The following GSE1 variants were observed in gnomAD, a reference collection of about 807,000 sequenced individuals.
The protein encoded by GSE1 is Gse1 coiled-coil protein.
Under a neutral mutation model 112.6 loss-of-function variants are expected in GSE1, and 32 were observed. The observed-to-expected ratio is 0.28, with a 90% CI of 0.21 to 0.38. The LOEUF (loss-of-function observed/expected upper bound fraction) is 0.38, where lower values mean the gene tolerates loss of function less well. Ranked by LOEUF, GSE1 falls within the 10% of genes least tolerant of loss-of-function variation. The pLI is 1.00. For synonymous variants in GSE1, 1,115 were observed against 735.6 expected (o/e 1.52, Z -8.35); for missense variants, 2,348 against 1,699.2 (o/e 1.38, Z -6.71).
At chr16:85,179,363 C>T (rs1443754195) in intron 1 of GSE1, among the ~76,000 whole-genome samples, 3 of 152,168 alleles carry the variant, frequency 2.0e-5, no homozygotes, top group Non-Finnish European at 2.9e-5. Flanking sequence ...CTAAGAACGC[C>T]GTTGTATGGA....
intron 2 of GSE1, among the ~76,000 whole-genome samples, chr16:85,436,974 C>CGTCGAG (rs1049785193): frequency 2.0e-5 from 3 of 152,166 alleles, no homozygotes; most frequent in African/African-American, 7.2e-5. Flanking sequence ...GGGAGGTTAC[C>CGTCGAG]GTCGAGGTCG....
chr16:85,421,994 G>A (rs190223028), intron 2 of GSE1, among the ~76,000 whole-genome samples: 28 of 152,090 alleles, frequency 1.8e-4, no homozygotes, highest in Admixed American at 7.2e-4. Context: ...TTGTCTTTCC[G>A]GGGGCCCCTC....
intron 2 of GSE1, among the ~76,000 whole-genome samples, chr16:85,451,950 C>T (rs539840562): frequency 1.3e-5 from 2 of 152,240 alleles, no homozygotes; most frequent in Admixed American, 6.5e-5. Context: ...CCAAGAGGCC[C>T]GTCTCTGCCT....
chr16:85,619,733 G>T (rs946702968), intron 1 of GSE1, among the ~76,000 whole-genome samples: 1 of 152,190 alleles, frequency 6.6e-6, no homozygotes, highest in African/African-American at 2.4e-5. Flanking sequence ...CAGGCGTGGT[G>T]GGGGGACGTT....
rs180774100 is a variant in GSE1 at position 85,177,833 on chromosome 16, C to G, written c.2283+6026C>G. Reference sequence around the variant, plus strand: ...TAGGGTCAGGAAGAATCTCACAGACCATCACTTTCAGACAACGCTATACCC... The same window carrying G: ...TAGGGTCAGGAAGAATCTCACAGACGATCACTTTCAGACAACGCTATACCC... On this transcript the variant is annotated intron_variant, in intron 1 of 2. Transcript: ENST00000637419. Among the ~76,000 whole-genome samples the G allele has an allele frequency of 1.0e-3, 155 of 152,266 alleles. 1 individual carries two copies. The highest frequency in any genetic ancestry group is 4.3e-3 in the Admixed American group (66 of 15,306).
chr16:85,226,760 TGTGTGTG>T (rs1186797191), intron 1 of GSE1, among the ~76,000 whole-genome samples: 6 of 3,320 alleles, frequency 1.8e-3, no homozygotes, highest in Non-Finnish European at 2.9e-3. Flanking sequence ...CCTGGACTGG[TGTGTGTG>T]TGTGTGTGTG....
intron 1 of GSE1, among the ~76,000 whole-genome samples, chr16:85,242,345 G>A (rs1373775080): frequency 6.6e-6 from 1 of 152,150 alleles, no homozygotes. Context: ...CTGCAAACAG[G>A]TGATGTGTCA....
At chr16:85,313,320 C>G (rs1198312920) in intron 1 of GSE1, among the ~76,000 whole-genome samples, 3 of 152,076 alleles carry the variant, frequency 2.0e-5, no homozygotes, top group Non-Finnish European at 4.4e-5. Context: ...TCAAGGTCCT[C>G]GAGACACCTG....
At chr16:85,478,871 CTTTCT>C (rs2050556225) in intron 2 of GSE1, among the ~76,000 whole-genome samples, 1 of 45,834 alleles carries the variant, frequency 2.2e-5, no homozygotes, top group Non-Finnish European at 3.5e-5. Context: ...TTCTTTCTTT[CTTTCT>C]TTCTTTCTTT....
chr16:85,455,532 T>G (rs1327076192), intron 2 of GSE1, among the ~76,000 whole-genome samples: 1 of 152,200 alleles, frequency 6.6e-6, no homozygotes, highest in Non-Finnish European at 1.5e-5. Context: ...CGGTGTGGGT[T>G]TATAGCGGCT....
At chr16:85,256,437 A>G (rs546804752) in intron 1 of GSE1, among the ~76,000 whole-genome samples, 6 of 152,214 alleles carry the variant, frequency 3.9e-5, no homozygotes, top group Non-Finnish European at 8.8e-5. Context: ...GAGTAGCCTT[A>G]GGTTTGGGAC....
intron 2 of GSE1, among the ~76,000 whole-genome samples, chr16:85,463,361 G>C (rs943499591): frequency 6.6e-6 from 1 of 152,216 alleles, no homozygotes; most frequent in Non-Finnish European, 1.5e-5. Context: ...TGACCCCCGC[G>C]GTCTGGCTGT....
intron 2 of GSE1, among the ~76,000 whole-genome samples, chr16:85,385,916 T>A (rs1490594895): frequency 6.6e-6 from 1 of 152,128 alleles, no homozygotes; most frequent in East Asian, 1.9e-4. Context: ...GTGGGCTAGA[T>A]AGGGGTATGG....
chr16:85,441,553 G>A (rs116701152), intron 2 of GSE1, among the ~76,000 whole-genome samples: 5,425 of 152,266 alleles, frequency 0.036, 342 homozygotes, highest in African/African-American at 0.12. Flanking sequence ...TACTCAGGAG[G>A]CTGAAATCGC....
chr16:85,416,445 G>A (rs2048704136), intron 2 of GSE1, among the ~76,000 whole-genome samples: 2 of 152,152 alleles, frequency 1.3e-5, no homozygotes, highest in South Asian at 4.2e-4. Flanking sequence ...GGCTCCTCCC[G>A]AGCAGGTGGG....
rs1475714788 is a variant in GSE1, at chr16:85,169,759, C to G, written c.235C>G (p.Pro79Ala). 4.1e-6 allele frequency: 4 copies of G among 983,924 alleles called. No individual in the cohort carries two copies. The East Asian group carries it at 4.6e-4, about 113-fold the overall frequency. The allele number at this position is 983,924 out of a possible 1,614,324, so 60.9% of individuals were successfully genotyped here. A position where few individuals can be genotyped will look rare whatever the true frequency, so the allele number is the denominator to read the frequency against. Reference sequence around the variant, plus strand: ...GGCGCCCGGCGCGCGCGAGCTGTCCCCGGCCGACGGCTGCGTGTTGGTGTG... The same window carrying G: ...GGCGCCCGGCGCGCGCGAGCTGTCCGCGGCCGACGGCTGCGTGTTGGTGTG... Residue 79 changes from proline (P) to alanine (A), a missense_variant, in exon 1 of 3, where the codon CCG becomes GCG. By Grantham distance (27) the Pro-to-Ala change is conservative (BLOSUM62 -1). Transcript: ENST00000637419.
At chr16:85,584,417 G>A (rs2046594044) in intron 1 of GSE1, among the ~76,000 whole-genome samples, 2 of 152,140 alleles carry the variant, frequency 1.3e-5, no homozygotes, top group Admixed American at 1.3e-4. Flanking sequence ...TGCCTCTAAT[G>A]CCCTAATTAT....
At chr16:85,534,350 G>C (rs28472636) in intron 2 of GSE1, among the ~76,000 whole-genome samples, 7,569 of 152,054 alleles carry the variant, frequency 0.05, 570 homozygotes, top group African/African-American at 0.16. Flanking sequence ...TTGAACTCCT[G>C]ACCTCAAGTG....
chr16:85,634,144 C>A lies in GSE1; in HGVS notation c.226+12C>A, dbSNP rs761907985. On this transcript the variant is annotated intron_variant, in intron 2 of 15. Coordinates refer to ENST00000253458, the MANE Select transcript of GSE1 (RefSeq NM_014615.5). ...GGAGGAGCCCAGAGGTAAGGGGGCC[C>A]GCCAGGCTGCGCGTGGGGGGAGCGG... The A allele has an allele frequency of 7.0e-7, 1 of 1,436,388 alleles. No individual in the cohort carries two copies. Among genetic ancestry groups the A allele is most frequent in the Non-Finnish European group, 9.1e-7 (1 of 1,101,572 alleles). The allele number at this position is 1,436,388 out of a possible 1,614,324, so 89.0% of individuals were successfully genotyped here.
Sources: gnomAD v4.1 joint callset for allele counts (sites outside exome capture counted in the v4.1 genomes callset) on GRCh38, gnomAD v4.1.1 for gene constraint, MANE v1.5 for transcripts, NCBI Gene and HGNC (gene_info 2026-07-23, HGNC 2026-07-21) for gene names.